Variants in RPL3 observed in about 807,000 individuals in gnomAD.
The protein encoded by RPL3 is ribosomal protein L3, also known as large ribosomal subunit protein uL3.
Under a neutral mutation model 46.0 loss-of-function variants are expected in RPL3, and 3 were observed. That is an observed-to-expected ratio of 0.07 (90% CI 0.03 to 0.17). The LOEUF is 0.17. Among genes scored for constraint, RPL3 ranks in the 10% least tolerant of loss-of-function variants. RPL3 has a pLI of 1.00. For missense variants in RPL3, 387 were observed against 532.7 expected (o/e 0.73, Z 2.69); for synonymous variants, 224 against 190.8 (o/e 1.17, Z -1.43).
chr22:39,314,047 C>A, intron 7 of RPL3, 60 bp downstream of exon 7: 1 of 1,425,408 alleles, frequency 7.0e-7, no homozygotes, highest in Non-Finnish European at 9.9e-7. Context: ...TAGGAAGCAG[C>A]CTATCCCCAA....
intron 9 of RPL3, 56 bp from the exon 10 acceptor site, chr22:39,313,040 C>T (rs1407614772): frequency 1.9e-6 from 3 of 1,612,408 alleles, no homozygotes; most frequent in African/African-American, 2.7e-5. Context: ...CAGCAGATGC[C>T]CACTCTAGAG....
At chr22:39,316,920 AC>A (rs1922734287) in intron 3 of RPL3, 79 bp from the exon 4 acceptor site, 1 of 1,607,402 alleles carries the variant, frequency 6.2e-7, no homozygotes. Flanking sequence ...CGGAAGGCAC[AC>A]TGGCACCGCG....
At chr22:39,317,035 C>A (rs1420776948) in intron 3 of RPL3, 194 bp from the exon 4 acceptor site, 5 of 778,902 alleles carry the variant, frequency 6.4e-6, no homozygotes, top group East Asian at 2.7e-5. Context: ...AGCAGAGGTC[C>A]ACAAGGTTAA....
Position 39,313,186 on chromosome 22 carries a change from C to T in RPL3, c.1167+5G>A, listed in dbSNP as rs1176842608. The T allele has an allele frequency of 1.2e-6, 2 of 1,607,558 alleles. No individual in the cohort carries two copies. Among genetic ancestry groups the T allele is most frequent in the South Asian group, 1.1e-5 (1 of 90,072 alleles). ...CCAGCGAGGGGGGCAGGCAGAGGTG[C>T]TCACCATGAATGCTTTCTTCTCCTC... is the stretch of plus-strand genomic sequence containing the variant. On this transcript the variant is annotated splice_donor_5th_base_variant and intron_variant, in intron 9 of 9. Transcript: ENST00000216146.
chr22:39,317,436 G>A (rs1356203664), intron 3 of RPL3, 25 bp downstream of exon 3: 26 of 1,605,620 alleles, frequency 1.6e-5, no homozygotes, highest in Non-Finnish European at 2.2e-5. Context: ...TCCCAAGCTA[G>A]GGACTGCATG....
intron 2 of RPL3, chr22:39,318,168 C>T (rs571699079): frequency 3.9e-6 from 2 of 517,756 alleles, no homozygotes; most frequent in Admixed American, 3.9e-5. Context: ...TTACTATGCT[C>T]TGAAATCAAT....
rs114078061 is a variant in RPL3, at chr22:39,313,886, C to T, written c.952-157G>A. On this transcript the variant is annotated intron_variant, in intron 7 of 9. Coordinates refer to ENST00000216146, the MANE Select transcript of RPL3 (RefSeq NM_000967.4). ...TGTCTCGGGCGCTGTGCCCAGCGCA[C>T]ATTCCAGGCCTCATCACTGAACAGC... 1,149 of 863,954 alleles carry T rather than the reference C, an allele frequency of 1.3e-3. 15 individuals carry two copies. In the African/African-American group the frequency reaches 0.017, roughly 12 times the overall value. The allele number at this position is 863,954 out of a possible 1,614,324, so 53.5% of individuals were successfully genotyped here.
chr22:39,312,914 A>G lies in RPL3; in HGVS notation c.*26T>C, dbSNP rs202212081. 1,290 of 1,613,886 alleles carry G rather than the reference A, an allele frequency of 8.0e-4. 21 individuals carry two copies. The South Asian group carries it at 0.013, about 16-fold the overall frequency. ...GGAAAATAACTTTTATTGAGACCCC[A>G]CCAACTGCAAAATCTGTTCCTGGCA... On this transcript the variant is annotated 3_prime_UTR_variant, in exon 10 of 10. Transcript: ENST00000216146.
At chr22:39,314,563 G>C (rs548715229) in intron 6 of RPL3, 123 bp downstream of exon 6, 25 of 1,176,236 alleles carry the variant, frequency 2.1e-5, no homozygotes, top group Middle Eastern at 2.9e-4. Context: ...TGAGAAGCAA[G>C]CCACTGATGT....
intron 3 of RPL3, chr22:39,317,119 G>A (rs1922751808): frequency 6.6e-6 from 4 of 602,472 alleles, no homozygotes; most frequent in Non-Finnish European, 1.2e-5. Context: ...CCCACTCAGT[G>A]ATGAAGGAAA....
intron 3 of RPL3, 81 bp downstream of exon 3, chr22:39,317,380 C>T: frequency 6.7e-7 from 1 of 1,498,176 alleles, no homozygotes; most frequent in Non-Finnish European, 9.1e-7. Context: ...TGCTACAGAG[C>T]TGAGAAACCA....
chr22:39,318,262 C>G, intron 2 of RPL3, 138 bp downstream of exon 2: 1 of 790,284 alleles, frequency 1.3e-6, no homozygotes, highest in South Asian at 1.8e-5. Flanking sequence ...TCCCATTCTG[C>G]TGTCGCAGCA....
At chr22:39,318,319 T>C (rs2146519663) in intron 2 of RPL3, 81 bp downstream of exon 2, 3 of 1,489,008 alleles carry the variant, frequency 2.0e-6, no homozygotes, top group Non-Finnish European at 2.7e-6. Context: ...GTCTGCCCTC[T>C]GCTAACAGCT....
intron 5 of RPL3, 156 bp downstream of exon 5, chr22:39,315,213 G>T (rs1922605896): frequency 2.7e-6 from 3 of 1,098,552 alleles, no homozygotes; most frequent in Non-Finnish European, 4.2e-6. Flanking sequence ...TGACCACAAG[G>T]CTGTTCTCAG....
chr22:39,317,398 G>A (rs559272643), intron 3 of RPL3, 63 bp downstream of exon 3: 18 of 1,553,296 alleles, frequency 1.2e-5, no homozygotes, highest in African/African-American at 1.1e-4. Flanking sequence ...CCATGCACAC[G>A]CTGCTCCCTG....
chr22:39,314,228 G>T lies in RPL3; in HGVS notation c.850-20C>A. 2.5e-6 allele frequency: 4 copies of T among 1,602,758 alleles called. No homozygotes were observed. The highest frequency in any genetic ancestry group is 3.4e-6 in the Non-Finnish European group (4 of 1,169,736). On this transcript the variant is annotated intron_variant, in intron 6 of 9. Transcript: ENST00000216146. ...ATAAATCTGAATGAACAAGAAGGGT[G>T]TAAGGCTGGGGCATTAGGGACAAAT...
At chr22:39,313,927 A>G (rs750396017) in intron 7 of RPL3, 180 bp downstream of exon 7, 5 of 829,682 alleles carry the variant, frequency 6.0e-6, no homozygotes, top group Admixed American at 5.1e-5. Flanking sequence ...CTGAGACCCC[A>G]CTTCTCACCA....
At chr22:39,317,427 C>G (rs781279313) in intron 3 of RPL3, 34 bp downstream of exon 3, 5 of 1,595,458 alleles carry the variant, frequency 3.1e-6, no homozygotes, top group Non-Finnish European at 4.3e-6. Flanking sequence ...CTCCCAAGCT[C>G]CCAAGCTAGG....
Position 39,316,689 on chromosome 22 carries a change from C to T in RPL3, c.501+17G>A, listed in dbSNP as rs1301356204. The T allele has an allele frequency of 1.1e-5, 17 of 1,611,922 alleles. No individual in the cohort carries two copies. The highest frequency in any genetic ancestry group is 2.2e-4 in the Middle Eastern group (1 of 4,530). Reference sequence around the variant, plus strand: ...TACTAAGTGGCAGGCCAAGCCACCCCGGGGCACTGGGCTCACCTGGGTGTG... The same window carrying T: ...TACTAAGTGGCAGGCCAAGCCACCCTGGGGCACTGGGCTCACCTGGGTGTG... On this transcript the variant is annotated intron_variant, in intron 4 of 9. Coordinates refer to ENST00000216146, the MANE Select transcript of RPL3 (RefSeq NM_000967.4).
Sources: allele counts gnomAD v4.1 joint callset, GRCh38; gene constraint gnomAD v4.1.1; transcripts MANE v1.5; gene names NCBI Gene and HGNC (gene_info 2026-07-23, HGNC 2026-07-21).